Variants in POLR3B observed in about 807,000 individuals in gnomAD.
POLR3B encodes RNA polymerase III subunit B, also known as DNA-directed RNA polymerase III subunit RPC2.
In POLR3B, 96 loss-of-function variants were observed where a neutral mutation model predicts 147.4. The observed-to-expected ratio is 0.65, with a 90% CI of 0.55 to 0.77. The LOEUF (loss-of-function observed/expected upper bound fraction) is 0.77, where lower values mean the gene tolerates loss of function less well. Among genes scored for constraint, POLR3B ranks in the 30% least tolerant of loss-of-function variants. The pLI, the probability that POLR3B is intolerant of heterozygous loss-of-function variation, is 0.00. For synonymous variants in POLR3B, 461 were observed against 485.9 expected (o/e 0.95, Z 0.67); for missense variants, 1,036 against 1,413.5 (o/e 0.73, Z 4.28).
At chr12:106,484,947 G>T (rs780462756) in intron 23 of POLR3B, among the ~76,000 whole-genome samples, 1 of 152,134 alleles carries the variant, frequency 6.6e-6, no homozygotes, top group Non-Finnish European at 1.5e-5. Flanking sequence ...ACAGAAGGAT[G>T]ATGGGGGCAT....
At chr12:106,494,168 CATA>C (rs1379945732) in intron 23 of POLR3B, among the ~76,000 whole-genome samples, 4 of 152,096 alleles carry the variant, frequency 2.6e-5, no homozygotes, top group African/African-American at 9.7e-5. Flanking sequence ...ATTTTAATAA[CATA>C]ATAAAGTTGA....
At chr12:106,438,126 G>A (rs1308803644) in intron 18 of POLR3B, among the ~76,000 whole-genome samples, 1 of 152,074 alleles carries the variant, frequency 6.6e-6, no homozygotes, top group Non-Finnish European at 1.5e-5. Flanking sequence ...CCACCTGTGA[G>A]TGAGAACATG....
At chr12:106,498,711 G>A (rs967151804) in intron 25 of POLR3B, among the ~76,000 whole-genome samples, 3 of 151,728 alleles carry the variant, frequency 2.0e-5, no homozygotes, top group African/African-American at 2.4e-5. Flanking sequence ...TCAGCCTCCC[G>A]AGTAGTTGGG....
At chr12:106,448,150 C>G (rs2037746757) in intron 19 of POLR3B, among the ~76,000 whole-genome samples, 1 of 152,010 alleles carries the variant, frequency 6.6e-6, no homozygotes. Flanking sequence ...TTTTTGAATT[C>G]TGCTATTGGT....
At chr12:106,383,154 G>A (rs890358337) in intron 9 of POLR3B, among the ~76,000 whole-genome samples, 3 of 152,062 alleles carry the variant, frequency 2.0e-5, no homozygotes, top group Admixed American at 6.6e-5. Context: ...CTCAGCCTTC[G>A]TAGAATTGAA....
chr12:106,476,778 T>C (rs2038177203), intron 23 of POLR3B, among the ~76,000 whole-genome samples: 1 of 152,134 alleles, frequency 6.6e-6, no homozygotes, highest in Admixed American at 6.5e-5. Flanking sequence ...CTAAATTTTT[T>C]TCAAAGTTTT....
chr12:106,491,034 A>G (rs549654881), intron 23 of POLR3B, among the ~76,000 whole-genome samples: 2 of 152,322 alleles, frequency 1.3e-5, no homozygotes, highest in Non-Finnish European at 2.9e-5. Flanking sequence ...TGCAACTGCA[A>G]CTGCTCCTTC....
At chr12:106,509,200 A>T (rs1168079379) in intron 27 of POLR3B, among the ~76,000 whole-genome samples, 1 of 152,170 alleles carries the variant, frequency 6.6e-6, no homozygotes, top group African/African-American at 2.4e-5. Context: ...TAAACACTGG[A>T]GGGAATGGTG....
At chr12:106,462,690 A>C (rs1345761223) in intron 22 of POLR3B, among the ~76,000 whole-genome samples, 1 of 152,212 alleles carries the variant, frequency 6.6e-6, no homozygotes, top group Non-Finnish European at 1.5e-5. Context: ...CCTCTTGCAC[A>C]CTAAGCCCTA....
At chr12:106,392,931 C>A in intron 9 of POLR3B, 100 bp from the exon 10 acceptor site, 1 of 1,477,770 alleles carries the variant, frequency 6.8e-7, no homozygotes, top group Non-Finnish European at 9.3e-7. Flanking sequence ...CTAGCTTTTG[C>A]TTAGAAGTAA....
intron 9 of POLR3B, among the ~76,000 whole-genome samples, chr12:106,380,411 C>CAAAAAAAAAAAAAAAAAAAAAAAAA (rs147457953): frequency 1.0e-5 from 1 of 98,994 alleles, no homozygotes; most frequent in African/African-American, 3.7e-5. Context: ...CCATCTCTAC[C>CAAAAAAAAAAAAAAAAAAAAAAAAA]AAAAAAAAAA....
intron 18 of POLR3B, among the ~76,000 whole-genome samples, chr12:106,443,559 C>T (rs1347252295): frequency 6.6e-6 from 1 of 151,850 alleles, no homozygotes; most frequent in Non-Finnish European, 1.5e-5. Flanking sequence ...GCTCTGTTGC[C>T]CGGGCTGGAG....
chr12:106,369,374 T>G, intron 5 of POLR3B, 24 bp downstream of exon 5: 1 of 1,324,420 alleles, frequency 7.6e-7, no homozygotes, highest in Non-Finnish European at 1.1e-6. Context: ...TTACTTTAAT[T>G]GGACTTGTTT....
At chr12:106,392,414 CGGCCTCCCAAAGT>C (rs1312969934) in intron 9 of POLR3B, among the ~76,000 whole-genome samples, 1 of 152,170 alleles carries the variant, frequency 6.6e-6, no homozygotes, top group Non-Finnish European at 1.5e-5. Context: ...CCACCTGCCT[CGGCCTCCCAAAGT>C]GCTAGGATTA....
At position 106,393,152 on chromosome 12, in the gene POLR3B, A is replaced by T; in HGVS notation, c.845A>T (p.Gln282Leu). 6.2e-7 allele frequency: 1 copy of T among 1,614,162 alleles called. No homozygotes were observed. Among genetic ancestry groups the T allele is most frequent in the Non-Finnish European group, 8.5e-7 (1 of 1,179,992 alleles). Residue 282 changes from glutamine to leucine, a missense_variant and splice_region_variant, in exon 10 of 28, where the codon CAG (glutamine) becomes CTG (leucine). Coordinates refer to ENST00000228347, the MANE Select transcript of POLR3B (RefSeq NM_018082.6). Reference protein sequence around the residue: ...CQKAQIFTQMQALKYIGNKVR... With the variant: ...CQKAQIFTQMLALKYIGNKVR... ...AAAGCTCAGATTTTCACACAGATGC[A>T]GGTGTGTCTTTTCATGTTGTCCTTT...
chr12:106,485,255 CT>C (rs2038322050), intron 23 of POLR3B, among the ~76,000 whole-genome samples: 1 of 152,136 alleles, frequency 6.6e-6, no homozygotes, highest in Non-Finnish European at 1.5e-5. Context: ...TAACCCAAGT[CT>C]GTAATAATGG....
chr12:106,388,425 C>G (rs1321204123), intron 9 of POLR3B, among the ~76,000 whole-genome samples: 2 of 152,006 alleles, frequency 1.3e-5, no homozygotes, highest in Non-Finnish European at 2.9e-5. Context: ...TCAAGCGATT[C>G]TTCTGCCTCA....
intron 22 of POLR3B, among the ~76,000 whole-genome samples, chr12:106,461,004 G>A (rs116966838): frequency 0.017 from 2,588 of 151,984 alleles, 43 homozygotes; most frequent in South Asian, 0.069. Context: ...CCTAACCCTC[G>A]GAACTGGCCT....
At chr12:106,467,080 A>G (rs541292642) in intron 23 of POLR3B, among the ~76,000 whole-genome samples, 1 of 152,186 alleles carries the variant, frequency 6.6e-6, no homozygotes, top group Non-Finnish European at 1.5e-5. Context: ...CTTCTTATCC[A>G]TGAGCATGGA....
Sources: gnomAD v4.1 joint callset for allele counts (sites outside exome capture counted in the v4.1 genomes callset) on GRCh38, gnomAD v4.1.1 for gene constraint, MANE v1.5 for transcripts, NCBI Gene and HGNC (gene_info 2026-07-23, HGNC 2026-07-21) for gene names.